CNTNAP2: variants seen among roughly 807,000 people sequenced by gnomAD.
The protein encoded by CNTNAP2 is contactin-associated protein-like 2.
CNTNAP2 carries 98 observed loss-of-function variants against 155.2 expected under a neutral mutation model. The ratio of observed to expected loss-of-function variants is 0.63; its 90% CI spans 0.54 to 0.75. CNTNAP2 has a LOEUF of 0.75. CNTNAP2 is among the 30% of genes least tolerant of loss of function. The pLI, the probability that CNTNAP2 is intolerant of heterozygous loss-of-function variation, is 0.00. For synonymous variants in CNTNAP2, 651 were observed against 631.2 expected (o/e 1.03, Z -0.47); for missense variants, 1,727 against 1,688.1 (o/e 1.02, Z -0.40).
chr7:148,285,850 G>T (rs1253924806), intron 21 of CNTNAP2, among the ~76,000 whole-genome samples: 2 of 152,146 alleles, frequency 1.3e-5, no homozygotes, highest in African/African-American at 4.8e-5. Flanking sequence ...GACCCCCTAT[G>T]CAGTCAAAAT....
chr7:146,488,024 T>C (rs1048434822), intron 1 of CNTNAP2, among the ~76,000 whole-genome samples: 3 of 152,182 alleles, frequency 2.0e-5, no homozygotes, highest in Middle Eastern at 3.2e-3. Flanking sequence ...AAACCAAATA[T>C]CATTTCTCTA....
chr7:146,910,303 A>C (rs1349520802), intron 3 of CNTNAP2, among the ~76,000 whole-genome samples: 1 of 150,090 alleles, frequency 6.7e-6, no homozygotes, highest in Non-Finnish European at 1.5e-5. Context: ...GGAAAAAGCT[A>C]CTTTAAAGTT....
chr7:146,863,056 T>C (rs1795135737), intron 3 of CNTNAP2, among the ~76,000 whole-genome samples: 1 of 152,218 alleles, frequency 6.6e-6, no homozygotes, highest in Non-Finnish European at 1.5e-5. Context: ...ATTTGGGACC[T>C]GTCTAATGTG....
intron 14 of CNTNAP2, among the ~76,000 whole-genome samples, chr7:147,949,458 A>ATATATATATATATATATATATAT (rs1433579404): frequency 1.2e-4 from 16 of 137,400 alleles, no homozygotes; most frequent in South Asian, 2.4e-4. Context: ...ATATATATAT[A>ATATATATATATATATATATATAT]TTTTTTTTTT....
intron 6 of CNTNAP2, among the ~76,000 whole-genome samples, chr7:147,124,456 T>A (rs2129283502): frequency 6.6e-6 from 1 of 152,280 alleles, no homozygotes; most frequent in South Asian, 2.1e-4. Flanking sequence ...TTTGTTAATT[T>A]TCATGGTGCG....
At chr7:146,941,600 A>T (rs142688759) in intron 3 of CNTNAP2, among the ~76,000 whole-genome samples, 1 of 152,052 alleles carries the variant, frequency 6.6e-6, no homozygotes, top group African/African-American at 2.4e-5. Flanking sequence ...ATTCTTTCAG[A>T]TGTTTTTGTG....
At chr7:147,195,839 G>A (rs1472811164) in intron 8 of CNTNAP2, among the ~76,000 whole-genome samples, 1 of 151,922 alleles carries the variant, frequency 6.6e-6, no homozygotes, top group East Asian at 1.9e-4. Context: ...TTTAAGAGGA[G>A]CCAGCTATCT....
chr7:146,661,112 C>G (rs1585029730), intron 1 of CNTNAP2, among the ~76,000 whole-genome samples: 1 of 152,280 alleles, frequency 6.6e-6, no homozygotes, highest in Admixed American at 6.5e-5. Context: ...CATCATTCCA[C>G]TCACGGTTGA....
intron 3 of CNTNAP2, among the ~76,000 whole-genome samples, chr7:147,010,478 T>C (rs1438779964): frequency 6.6e-6 from 1 of 152,094 alleles, no homozygotes; most frequent in Non-Finnish European, 1.5e-5. Context: ...ATCTAAAATA[T>C]CTATTTGTGC....
intron 3 of CNTNAP2, among the ~76,000 whole-genome samples, chr7:146,921,770 T>C (rs1471928474): frequency 6.6e-6 from 1 of 152,092 alleles, no homozygotes; most frequent in African/African-American, 2.4e-5. Context: ...TCAGGTGGCC[T>C]GAGTCTCCTA....
At chr7:147,826,110 G>A (rs1018255989) in intron 13 of CNTNAP2, among the ~76,000 whole-genome samples, 2 of 152,084 alleles carry the variant, frequency 1.3e-5, no homozygotes, top group Admixed American at 6.6e-5. Flanking sequence ...TTACAAGCTG[G>A]GATATAATAT....
chr7:147,615,857 C>A (rs1016210956), intron 12 of CNTNAP2, among the ~76,000 whole-genome samples: 1 of 152,062 alleles, frequency 6.6e-6, no homozygotes, highest in Non-Finnish European at 1.5e-5. Flanking sequence ...CATTGAAATA[C>A]CACTTAAGTC....
chr7:146,444,227 G>A (rs559672477), intron 1 of CNTNAP2, among the ~76,000 whole-genome samples: 11 of 152,086 alleles, frequency 7.2e-5, no homozygotes, highest in African/African-American at 1.9e-4. Context: ...GTTTCACCAC[G>A]TTGGCCAGGC....
rs1563046043 is a variant in CNTNAP2 at position 148,331,749 on chromosome 7, AAC to A, written c.3476-51899_3476-51898del. ...TTGGATGGATGGAGTGGATGGATGG[AAC>A]GGACGGATGGATTGGATGGATGGAA... On this transcript the variant is annotated intron_variant, in intron 21 of 23. Transcript: ENST00000361727. Among the ~76,000 whole-genome samples, 264 of 109,950 alleles carry A rather than the reference AAC, an allele frequency of 2.4e-3. 69 individuals are homozygous for A. Among genetic ancestry groups the A allele is most frequent in the East Asian group, 3.0e-3 (12 of 4,058 alleles). 72.1% of individuals were successfully genotyped at this position (109,950 alleles called of 152,430 possible).
intron 10 of CNTNAP2, among the ~76,000 whole-genome samples, chr7:147,475,646 A>T (rs543667209): frequency 2.4e-4 from 36 of 152,296 alleles, no homozygotes; most frequent in East Asian, 1.2e-3. Flanking sequence ...TTAAAAAAAA[A>T]ATATGTAGTC....
At chr7:146,471,328 A>G (rs180737270) in intron 1 of CNTNAP2, among the ~76,000 whole-genome samples, 64 of 152,294 alleles carry the variant, frequency 4.2e-4, no homozygotes, top group African/African-American at 1.5e-3. Context: ...CTTAAGTCGA[A>G]CCTTTGATAG....
At chr7:147,977,814 G>A (rs771495575) in intron 14 of CNTNAP2, 48 bp from the exon 15 acceptor site, 2 of 1,612,988 alleles carry the variant, frequency 1.2e-6, no homozygotes, top group South Asian at 1.1e-5. Flanking sequence ...AAATTCATAT[G>A]TCTAATGCAG....
At chr7:146,843,197 A>G (rs960657155) in intron 3 of CNTNAP2, among the ~76,000 whole-genome samples, 10 of 135,406 alleles carry the variant, frequency 7.4e-5, no homozygotes, top group African/African-American at 1.2e-4. Context: ...TATTTTTAGT[A>G]GAGACGGGGT....
At chr7:146,979,989 G>A (rs1797983070) in intron 3 of CNTNAP2, among the ~76,000 whole-genome samples, 2 of 152,128 alleles carry the variant, frequency 1.3e-5, no homozygotes, top group African/African-American at 2.4e-5. Flanking sequence ...AATTACTTTT[G>A]CACCAACCTG....
Sources: gnomAD v4.1 joint callset for allele counts (sites outside exome capture counted in the v4.1 genomes callset) on GRCh38, gnomAD v4.1.1 for gene constraint, MANE v1.5 for transcripts, NCBI Gene and HGNC (gene_info 2026-07-23, HGNC 2026-07-21) for gene names.